Variants in FRMD4A observed in about 807,000 individuals in gnomAD.
FRMD4A encodes the protein FERM domain-containing protein 4A.
FRMD4A carries 29 observed loss-of-function variants against 129.1 expected under a neutral mutation model. The ratio of observed to expected loss-of-function variants is 0.22; its 90% CI spans 0.17 to 0.31. FRMD4A has a LOEUF of 0.31. Among genes scored for constraint, FRMD4A ranks in the 10% least tolerant of loss-of-function variants. The pLI, the probability that FRMD4A is intolerant of heterozygous loss-of-function variation, is 1.00. For synonymous variants in FRMD4A, 634 were observed against 571.6 expected, an observed-to-expected ratio of 1.11 and a Z score of -1.56; for missense variants, 1,272 against 1,375.8, an observed-to-expected ratio of 0.92 and a Z score of 1.19.
At chr10:14,057,176 T>C (rs1290060515) in intron 2 of FRMD4A, among the ~76,000 whole-genome samples, 3 of 152,242 alleles carry the variant, frequency 2.0e-5, no homozygotes, top group Non-Finnish European at 2.9e-5. Context: ...TAATGTAATA[T>C]TGTCAATATA....
intron 16 of FRMD4A, among the ~76,000 whole-genome samples, chr10:13,672,740 C>A (rs1353731305): frequency 6.6e-6 from 1 of 152,128 alleles, no homozygotes; most frequent in Non-Finnish European, 1.5e-5. Context: ...GCCCCCCTCC[C>A]CAGGGGTCAA....
intron 12 of FRMD4A, among the ~76,000 whole-genome samples, chr10:13,733,361 T>G (rs1481749497): frequency 6.6e-6 from 1 of 152,190 alleles, no homozygotes; most frequent in Non-Finnish European, 1.5e-5. Context: ...CCATCTGACA[T>G]CTTAGCGGGG....
At chr10:14,069,988 A>G (rs1386046061) in intron 2 of FRMD4A, among the ~76,000 whole-genome samples, 2 of 152,036 alleles carry the variant, frequency 1.3e-5, no homozygotes, top group Admixed American at 1.3e-4. Flanking sequence ...CAATTGCCAT[A>G]TGCCTTAAAG....
chr10:14,284,771 T>C (rs1404181650), intron 2 of FRMD4A, among the ~76,000 whole-genome samples: 2 of 152,248 alleles, frequency 1.3e-5, no homozygotes, highest in Non-Finnish European at 2.9e-5. Context: ...GTATACTACT[T>C]ATGCTATATG....
At chr10:14,040,949 A>G (rs1357398439) in intron 2 of FRMD4A, among the ~76,000 whole-genome samples, 3 of 152,174 alleles carry the variant, frequency 2.0e-5, no homozygotes, top group Admixed American at 2.0e-4. Flanking sequence ...AGAGAAATCT[A>G]TTTCTCCAGG....
At chr10:14,291,249 A>G (rs1373279884) in intron 2 of FRMD4A, among the ~76,000 whole-genome samples, 2 of 152,190 alleles carry the variant, frequency 1.3e-5, no homozygotes, top group Admixed American at 1.3e-4. Context: ...ATTTGTAATG[A>G]CTTTCCAATT....
chr10:13,945,339 AT>A (rs923574552), intron 2 of FRMD4A, among the ~76,000 whole-genome samples: 7 of 151,850 alleles, frequency 4.6e-5, no homozygotes, highest in Non-Finnish European at 8.8e-5. Context: ...TTGTCATGTG[AT>A]TTTTTTTAAG....
chr10:13,926,329 G>A (rs1180284626), intron 2 of FRMD4A, among the ~76,000 whole-genome samples: 1 of 152,180 alleles, frequency 6.6e-6, no homozygotes, highest in Admixed American at 6.5e-5. Context: ...TTTTACTGTA[G>A]GGAGTGATTG....
chr10:14,228,016 G>A (rs1158536763), intron 2 of FRMD4A, among the ~76,000 whole-genome samples: 1 of 152,032 alleles, frequency 6.6e-6, no homozygotes, highest in East Asian at 1.9e-4. Flanking sequence ...TGCGACTACA[G>A]GTGCGTGCCA....
intron 4 of FRMD4A, among the ~76,000 whole-genome samples, chr10:13,802,365 G>A (rs1438228058): frequency 2.0e-5 from 3 of 152,152 alleles, no homozygotes; most frequent in Non-Finnish European, 4.4e-5. Flanking sequence ...GAATGACACT[G>A]CACAGCTTCT....
chr10:14,222,535 C>CA lies in FRMD4A; in HGVS notation c.45+107522dup, dbSNP rs1201307777. ...AGAGAAACCAGGCCATCTGTAACAGCAGATATTCTAAATCAAGAGTAGGAA... is the reference window on the plus strand; with the variant it reads ...AGAGAAACCAGGCCATCTGTAACAGCAAGATATTCTAAATCAAGAGTAGGAA... On this transcript the variant is annotated intron_variant, in intron 2 of 24. Transcript: ENST00000357447. Among the ~76,000 whole-genome samples the CA allele has an allele frequency of 2.6e-5, 4 of 152,130 alleles. No individual in the cohort carries two copies. In the East Asian group the frequency reaches 7.7e-4, roughly 29 times the overall value.
intron 2 of FRMD4A, among the ~76,000 whole-genome samples, chr10:14,251,354 C>T (rs1366054255): frequency 6.6e-6 from 1 of 152,136 alleles, no homozygotes; most frequent in African/African-American, 2.4e-5. Context: ...TGAGGCACCT[C>T]TATGGGAGGT....
chr10:13,706,805 GAGAC>G (rs2087498949), intron 13 of FRMD4A, among the ~76,000 whole-genome samples: 1 of 149,518 alleles, frequency 6.7e-6, no homozygotes, highest in African/African-American at 2.5e-5. Context: ...GTGGCCAGAT[GAGAC>G]AGTCAGGGGA....
chr10:13,882,248 A>G (rs1303014791), intron 2 of FRMD4A, among the ~76,000 whole-genome samples: 1 of 152,108 alleles, frequency 6.6e-6, no homozygotes, highest in Non-Finnish European at 1.5e-5. Flanking sequence ...AAACTATGAC[A>G]ATGGCAGTCA....
intron 2 of FRMD4A, among the ~76,000 whole-genome samples, chr10:14,210,010 G>A (rs942821862): frequency 5.3e-5 from 8 of 152,180 alleles, no homozygotes; most frequent in East Asian, 3.9e-4. Flanking sequence ...ATTCCAGGAG[G>A]AGCCAACCCT....
chr10:14,045,327 C>T (rs1439614278), intron 2 of FRMD4A, among the ~76,000 whole-genome samples: 1 of 152,070 alleles, frequency 6.6e-6, no homozygotes, highest in Non-Finnish European at 1.5e-5. Context: ...TGACCTCTTC[C>T]CACTAACACT....
At chr10:14,229,557 C>T (rs1305592891) in intron 2 of FRMD4A, among the ~76,000 whole-genome samples, 1 of 152,130 alleles carries the variant, frequency 6.6e-6, no homozygotes, top group Non-Finnish European at 1.5e-5. Flanking sequence ...CCCACTGCAG[C>T]CTCCCGAGTA....
At chr10:13,680,402 C>T (rs187824751) in intron 15 of FRMD4A, among the ~76,000 whole-genome samples, 1 of 151,788 alleles carries the variant, frequency 6.6e-6, no homozygotes, top group East Asian at 1.9e-4. Flanking sequence ...AAGTGCAAAC[C>T]TCTTTGAGGT....
At position 14,007,386 on chromosome 10, in the gene FRMD4A, C is replaced by T. The variant is rs563284833; in HGVS notation, c.46-148474G>A. ...AGCTTTGCATTAACTAGAGTCAGCC[C>T]CAAAAATGCATCTGTTACTCCAGAG... On this transcript the variant is annotated intron_variant, in intron 2 of 24. Coordinates refer to ENST00000357447, the MANE Select transcript of FRMD4A (RefSeq NM_018027.5). 5 of 152,118 alleles carry T rather than the reference C, an allele frequency of 3.3e-5. No individual in the cohort carries two copies. The South Asian group carries it at 1.0e-3, about 32-fold the overall frequency. 9.4% of individuals were successfully genotyped at this position (152,118 alleles called of 1,614,324 possible).
Sources: allele counts gnomAD v4.1 joint callset (sites outside exome capture counted in the v4.1 genomes callset), GRCh38; gene constraint gnomAD v4.1.1; transcripts MANE v1.5; gene names NCBI Gene and HGNC (gene_info 2026-07-23, HGNC 2026-07-21).